The following KCNH8 variants were observed in gnomAD, a reference collection of about 807,000 sequenced individuals.
KCNH8 encodes voltage-gated delayed rectifier potassium channel KCNH8.
KCNH8 carries 70 observed loss-of-function variants against 103.6 expected under a neutral mutation model. The observed-to-expected ratio is 0.68, with a 90% CI of 0.56 to 0.82. The LOEUF (loss-of-function observed/expected upper bound fraction) is 0.82, where lower values mean the gene tolerates loss of function less well. Among genes scored for constraint, KCNH8 ranks in the 40% least tolerant of loss-of-function variants. KCNH8 has a pLI of 0.00. For synonymous variants in KCNH8, 498 were observed against 489.4 expected, an observed-to-expected ratio of 1.02 and a Z score of -0.23; for missense variants, 1,217 against 1,329.9, an observed-to-expected ratio of 0.92 and a Z score of 1.32.
chr3:19,442,992 ACTT>A (rs2067305058), intron 8 of KCNH8, among the ~76,000 whole-genome samples: 1 of 151,988 alleles, frequency 6.6e-6, no homozygotes, highest in African/African-American at 2.4e-5. Context: ...GACCTGGCAA[ACTT>A]CTTCTAAAAT....
chr3:19,267,902 A>T (rs140263825), intron 2 of KCNH8, among the ~76,000 whole-genome samples: 1 of 152,230 alleles, frequency 6.6e-6, no homozygotes, highest in Non-Finnish European at 1.5e-5. Context: ...CAGTAATAGC[A>T]TCTGTTTCAT....
intron 3 of KCNH8, among the ~76,000 whole-genome samples, chr3:19,328,033 C>G (rs941385795): frequency 1.3e-5 from 2 of 152,108 alleles, no homozygotes; most frequent in African/African-American, 4.8e-5. Context: ...CTCTCTGTCT[C>G]ATTTTTTTTC....
intron 1 of KCNH8, among the ~76,000 whole-genome samples, chr3:19,201,023 GGA>G (rs2063653386): frequency 6.6e-6 from 1 of 151,626 alleles, no homozygotes; most frequent in African/African-American, 2.4e-5. Context: ...CCTGAGGTCA[GGA>G]GTTAGTGACC....
chr3:19,313,345 AC>A lies in KCNH8; in HGVS notation c.443-29241del, dbSNP rs199692193. On this transcript the variant is annotated intron_variant, in intron 3 of 15. Transcript: ENST00000328405. ...TACAGTTTCAAGTCCTGTCTCTCCC[AC>A]TAGTTAGCACTGTGATCTTAGGCCA... 3.9e-5 allele frequency among the ~76,000 whole-genome samples: 6 copies of A among 151,936 alleles called. No individual in the cohort carries two copies. The East Asian group carries it at 9.7e-4, about 25-fold the overall frequency.
intron 5 of KCNH8, among the ~76,000 whole-genome samples, chr3:19,364,462 A>G (rs1421094017): frequency 6.6e-6 from 1 of 152,158 alleles, no homozygotes; most frequent in Non-Finnish European, 1.5e-5. Context: ...ACATTTATTA[A>G]ATGGAATGTA....
At chr3:19,240,186 T>TC (rs755066406) in intron 1 of KCNH8, among the ~76,000 whole-genome samples, 4 of 152,342 alleles carry the variant, frequency 2.6e-5, no homozygotes, top group Admixed American at 6.5e-5. Flanking sequence ...CTGATTTTTT[T>TC]CAACCTTTGA....
chr3:19,503,361 T>C (rs1157027966), intron 11 of KCNH8, among the ~76,000 whole-genome samples: 3 of 152,178 alleles, frequency 2.0e-5, no homozygotes, highest in Non-Finnish European at 4.4e-5. Context: ...ATTGTGGAAG[T>C]CAGTGTGGCG....
intron 3 of KCNH8, among the ~76,000 whole-genome samples, chr3:19,318,872 T>G (rs1218320740): frequency 2.0e-5 from 3 of 151,886 alleles, no homozygotes; most frequent in Non-Finnish European, 4.4e-5. Context: ...GGTGTCGCAT[T>G]GTGGTTTTGA....
intron 3 of KCNH8, among the ~76,000 whole-genome samples, chr3:19,316,573 A>C (rs1228783274): frequency 6.6e-6 from 1 of 151,998 alleles, no homozygotes; most frequent in African/African-American, 2.4e-5. Context: ...TTTAGAAATA[A>C]AGCAATCCTC....
At chr3:19,388,024 AGTCAACCATAGGT>A (rs2066382498) in intron 5 of KCNH8, among the ~76,000 whole-genome samples, 1 of 151,948 alleles carries the variant, frequency 6.6e-6, no homozygotes, top group African/African-American at 2.4e-5. Flanking sequence ...TTGCTGTATC[AGTCAACCATAGGT>A]CATTCACTTC....
At chr3:19,155,203 A>T (rs867235006) in intron 1 of KCNH8, among the ~76,000 whole-genome samples, 1 of 152,160 alleles carries the variant, frequency 6.6e-6, no homozygotes, top group African/African-American at 2.4e-5. Flanking sequence ...TTCCAGCCTC[A>T]TTATTGGCAT....
rs1003841245 is a variant in KCNH8, at chr3:19,292,786, C to G, written c.442+11457C>G. 5.3e-5 allele frequency among the ~76,000 whole-genome samples: 8 copies of G among 152,112 alleles called. 1 individual carries two copies. Among genetic ancestry groups the G allele is most frequent in the Middle Eastern group, 6.8e-3 (2 of 294 alleles). ...TTAGAACTCATGTCTGTGGTGCAGACAATAAAAAGAGTGAAGGACAAAAGC... is the reference window on the plus strand; with the variant it reads ...TTAGAACTCATGTCTGTGGTGCAGAGAATAAAAAGAGTGAAGGACAAAAGC... On this transcript the variant is annotated intron_variant, in intron 3 of 15. Transcript: ENST00000328405.
intron 1 of KCNH8, among the ~76,000 whole-genome samples, chr3:19,201,780 A>G (rs140787968): frequency 1.1e-3 from 172 of 152,258 alleles, no homozygotes; most frequent in African/African-American, 3.1e-3. Context: ...ACTCACTCAC[A>G]TGAAGACATG....
chr3:19,246,345 C>T (rs1374231226), intron 1 of KCNH8, among the ~76,000 whole-genome samples: 7 of 128,092 alleles, frequency 5.5e-5, no homozygotes, highest in Admixed American at 9.7e-5. Flanking sequence ...GGTGCGATAT[C>T]GGCTCACTGC....
intron 5 of KCNH8, among the ~76,000 whole-genome samples, chr3:19,359,712 A>G (rs1238463600): frequency 6.6e-6 from 1 of 152,068 alleles, no homozygotes; most frequent in East Asian, 1.9e-4. Flanking sequence ...CATTTATTAT[A>G]ATTTCCAAGA....
chr3:19,374,923 G>A (rs1310275336), intron 5 of KCNH8, among the ~76,000 whole-genome samples: 1 of 152,044 alleles, frequency 6.6e-6, no homozygotes, highest in Non-Finnish European at 1.5e-5. Flanking sequence ...TAAGAATGTT[G>A]AATATTGGCC....
At chr3:19,317,123 AG>A (rs2065284655) in intron 3 of KCNH8, among the ~76,000 whole-genome samples, 1 of 151,852 alleles carries the variant, frequency 6.6e-6, no homozygotes, top group Admixed American at 6.6e-5. Flanking sequence ...TATAAGCAAA[AG>A]GGGGTCCCAG....
In KCNH8 at chr3:19,308,708, C is replaced by G. The variant is rs2065166072; in HGVS notation, c.442+27379C>G. The stretch of plus-strand genomic sequence containing the variant: ...TCTCTCTCTCTCTCTCTCTCTCTCT[C>G]TCTCTCTCTCCCCCTCTCTCCCTCT... On this transcript the variant is annotated intron_variant, in intron 3 of 15. Transcript: ENST00000328405. Among the ~76,000 whole-genome samples, 3 of 85,030 alleles carry G rather than the reference C, an allele frequency of 3.5e-5. No homozygotes were observed. The South Asian group carries it at 1.3e-3, about 36-fold the overall frequency. The allele number at this position is 85,030 out of a possible 152,430, so 55.8% of individuals were successfully genotyped here.
intron 11 of KCNH8, among the ~76,000 whole-genome samples, chr3:19,476,791 C>T (rs1325089317): frequency 6.6e-6 from 1 of 152,078 alleles, no homozygotes; most frequent in Non-Finnish European, 1.5e-5. Flanking sequence ...TAGTAAATAA[C>T]CCTCTTTCCC....
Sources: gnomAD v4.1 joint callset for allele counts (sites outside exome capture counted in the v4.1 genomes callset) on GRCh38, gnomAD v4.1.1 for gene constraint, MANE v1.5 for transcripts, NCBI Gene and HGNC (gene_info 2026-07-23, HGNC 2026-07-21) for gene names.